Variants in FYCO1 observed in about 807,000 individuals in gnomAD.
FYCO1 encodes FYVE and coiled-coil domain autophagy adaptor 1, also known as FYVE and coiled-coil domain-containing protein 1.
Under a neutral mutation model 165.1 loss-of-function variants are expected in FYCO1, and 122 were observed. That is an observed-to-expected ratio of 0.74 (90% CI 0.64 to 0.86). The LOEUF (loss-of-function observed/expected upper bound fraction) is 0.86. FYCO1 is among the 40% of genes least tolerant of loss of function. The pLI, the probability that FYCO1 is intolerant of heterozygous loss-of-function variation, is 0.00. For synonymous variants in FYCO1, 648 were observed against 742.5 expected (o/e 0.87, Z 2.07); for missense variants, 1,702 against 1,810.3 (o/e 0.94, Z 1.09).
chr3:45,964,211 GT>G lies in FYCO1; in HGVS notation c.3269+124del. On this transcript the variant is annotated intron_variant, in intron 10 of 17. Coordinates refer to ENST00000296137, the MANE Select transcript of FYCO1 (RefSeq NM_024513.4). The surrounding 1 kb of genome is among the most constrained non-coding windows in gnomAD (Gnocchi z 4.1). The stretch of plus-strand genomic sequence containing the variant: ...TGCTTCCAGCAGAAGCACTTTCTGA[GT>G]TTGTGGCTTTTCTTGCAAAAGGACT... The G allele has an allele frequency of 2.4e-6, 2 of 832,068 alleles. No individual in the cohort carries two copies. The highest frequency in any genetic ancestry group is 4.2e-6 in the Non-Finnish European group (2 of 479,866). 51.5% of individuals were successfully genotyped at this position (832,068 alleles called of 1,614,324 possible).
intron 14 of FYCO1, among the ~76,000 whole-genome samples, chr3:45,949,188 C>T (rs906659967): frequency 1.6e-4 from 24 of 152,162 alleles, no homozygotes; most frequent in African/African-American, 5.3e-4. Context: ...TGCCTAAATG[C>T]GTCTACAAGC....
In FYCO1 at chr3:45,918,010, T is replaced by C. The variant is rs1702967421; in HGVS notation, c.*3755A>G. 1 of 152,644 alleles carries C rather than the reference T, an allele frequency of 6.6e-6. No homozygotes were observed. Among genetic ancestry groups the C allele is most frequent in the East Asian group, 1.9e-4 (1 of 5,198 alleles). 9.5% of individuals were successfully genotyped at this position (152,644 alleles called of 1,614,324 possible). ...AATATGCTTAGGGATACAAAAGTTT[T>C]CCACCCCCATTGAGCAGGTGGGGTG... is the stretch of plus-strand genomic sequence containing the variant. On this transcript the variant is annotated 3_prime_UTR_variant, in exon 18 of 18. Coordinates refer to ENST00000296137, the MANE Select transcript of FYCO1 (RefSeq NM_024513.4).
intron 10 of FYCO1, among the ~76,000 whole-genome samples, chr3:45,963,241 CCA>C (rs781072670): frequency 6.6e-6 from 1 of 151,790 alleles, no homozygotes; most frequent in East Asian, 1.9e-4. Context: ...CACACACACA[CCA>C]CACACACACA....
chr3:45,928,611 T>G (rs1703435191), intron 16 of FYCO1, among the ~76,000 whole-genome samples: 2 of 152,120 alleles, frequency 1.3e-5, no homozygotes, highest in Admixed American at 1.3e-4. Context: ...TGCTATTCCA[T>G]CCACCTGGAT....
At position 45,967,770 on chromosome 3, in the gene FYCO1, G is replaced by C. The variant is rs750823747; in HGVS notation, c.1564C>G (p.Leu522Val). ...CTCACATGTTGGCTCACCTGTGCCA[G>C]CTGGGTCTCCAGGAACTGCAGCTGC... ...TRQLQFLETQ[L>V]AQVSQHVSDL... The change falls in exon 8 of 18, where the codon CTG (leucine) becomes GTG (valine). Residue 522 changes from leucine (L) to valine (V), a missense_variant. Leu to Val is a conservative substitution (Grantham distance 32, BLOSUM62 1). Coordinates refer to ENST00000296137, the MANE Select transcript of FYCO1 (RefSeq NM_024513.4). 1 of 1,613,632 alleles carries C rather than the reference G, an allele frequency of 6.2e-7. No homozygotes were observed. Among genetic ancestry groups the C allele is most frequent in the East Asian group, 2.2e-5 (1 of 44,878 alleles).
chr3:45,945,901 G>A (rs981455824), intron 14 of FYCO1: 2 of 152,774 alleles, frequency 1.3e-5, no homozygotes, highest in African/African-American at 2.4e-5. Flanking sequence ...CCCAGGCAGA[G>A]CAGTCTTGCC....
intron 13 of FYCO1, among the ~76,000 whole-genome samples, chr3:45,956,806 A>C (rs1705355564): frequency 6.6e-6 from 1 of 152,226 alleles, no homozygotes; most frequent in African/African-American, 2.4e-5. Context: ...TTTTATTAAG[A>C]TGTCAATTCT....
chr3:45,955,147 C>T, intron 14 of FYCO1, 102 bp downstream of exon 14: 5 of 1,377,692 alleles, frequency 3.6e-6, no homozygotes, highest in South Asian at 1.2e-5. Context: ...CAAGGACAGT[C>T]AATCCTGCTT....
chr3:45,944,247 G>A (rs1408156232), intron 14 of FYCO1, among the ~76,000 whole-genome samples: 1 of 152,058 alleles, frequency 6.6e-6, no homozygotes, highest in East Asian at 1.9e-4. Flanking sequence ...CTGAGAAAAG[G>A]TCTGCAGTTT....
intron 8 of FYCO1, 71 bp from the exon 9 acceptor site, chr3:45,965,196 C>T (rs1170110058): frequency 2.5e-6 from 3 of 1,200,850 alleles, no homozygotes; most frequent in Non-Finnish European, 2.5e-6. Context: ...AGCCCCCTCA[C>T]CCAAACAGAT....
chr3:45,936,992 C>T (rs1703929645), intron 14 of FYCO1, among the ~76,000 whole-genome samples: 2 of 152,150 alleles, frequency 1.3e-5, no homozygotes. Context: ...TTTTTAACAC[C>T]TTCTGAATTA....
intron 14 of FYCO1, among the ~76,000 whole-genome samples, 174 bp from the exon 15 acceptor site, chr3:45,936,717 G>A (rs1398382130): frequency 6.6e-6 from 1 of 152,178 alleles, no homozygotes; most frequent in African/African-American, 2.4e-5. Context: ...AGGGAGGGCT[G>A]CAGGGGCCAG....
In FYCO1 at chr3:45,967,107, G is replaced by A. The variant is rs1294123759; in HGVS notation, c.2227C>T (p.Leu743=). Residue 743 remains leucine, a synonymous_variant, in exon 8 of 18, where the codon CTG becomes TTG. Coordinates refer to ENST00000296137, the MANE Select transcript of FYCO1 (RefSeq NM_024513.4). ...TTCTCTGCTGTGAGGACCTCAATCAGCTGGGTCTGCTGCTGGCACTGGCTC... is the reference window on the plus strand; with the variant it reads ...TTCTCTGCTGTGAGGACCTCAATCAACTGGGTCTGCTGCTGGCACTGGCTC... The part of the protein sequence containing the change: ...LESQCQQQTQ[L]IEVLTAEKGQ... 6.2e-7 allele frequency: 1 copy of A among 1,613,816 alleles called. No homozygotes were observed. Among genetic ancestry groups the A allele is most frequent in the African/African-American group, 1.3e-5 (1 of 74,916 alleles).
At chr3:45,949,567 G>T (rs1315433135) in intron 14 of FYCO1, among the ~76,000 whole-genome samples, 1 of 152,168 alleles carries the variant, frequency 6.6e-6, no homozygotes, top group African/African-American at 2.4e-5. Flanking sequence ...CTGTGCAGGG[G>T]ATGCAGTACC....
intron 16 of FYCO1, among the ~76,000 whole-genome samples, chr3:45,924,732 T>C (rs1385357073): frequency 6.7e-6 from 1 of 148,864 alleles, no homozygotes; most frequent in East Asian, 2.0e-4. Context: ...CCTTTCTCAG[T>C]GTCCCGAGTA....
At chr3:45,933,902 T>C (rs888449047) in intron 15 of FYCO1, among the ~76,000 whole-genome samples, 1 of 151,678 alleles carries the variant, frequency 6.6e-6, no homozygotes, top group Non-Finnish European at 1.5e-5. Flanking sequence ...CTTGAAACAA[T>C]AAAACAGTGG....
Position 45,962,263 on chromosome 3 carries a change from G to C in FYCO1, c.3399C>G (p.Thr1133=), listed in dbSNP as rs1705736355. The change falls in exon 11 of 18, where the codon ACC becomes ACG. Residue 1133 remains threonine, a synonymous_variant. Transcript: ENST00000296137. This position sits in a 1 kb window ranked among gnomAD's most constrained non-coding sequence, Gnocchi z 4.4. ...TCAGCCGCTCCTCGAGATACTTCTT[G>C]GTTCTGTTGAGGTCATCCAGGTCAG... is the stretch of plus-strand genomic sequence containing the variant. ...MLADLDDLNR[T]KKYLEERLIE... is the part of the protein sequence containing the mutation. 6 of 1,614,108 alleles carry C rather than the reference G, an allele frequency of 3.7e-6. No individual in the cohort carries two copies. The highest frequency in any genetic ancestry group is 2.7e-5 in the African/African-American group (2 of 74,934).
chr3:45,946,795 T>C (rs781139245), intron 14 of FYCO1: 1 of 1,613,652 alleles, frequency 6.2e-7, no homozygotes, highest in Non-Finnish European at 8.5e-7. Context: ...TGCAAGAGCC[T>C]ACTGGGCATC....
rs2125784868 is a variant in FYCO1 at position 45,920,982 on chromosome 3, T to C, written c.*783A>G. 2 of 155,142 alleles carry C rather than the reference T, an allele frequency of 1.3e-5. 1 individual carries two copies. The highest frequency in any genetic ancestry group is 4.0e-4 in the South Asian group (2 of 4,948). The allele number at this position is 155,142 out of a possible 1,614,324, so 9.6% of individuals were successfully genotyped here. Reference sequence around the variant, plus strand: ...TTAGATGTAGTGTACACACAGCCATTGCAGGCCCCAAGTACAGTGGGTTTT... The same window carrying C: ...TTAGATGTAGTGTACACACAGCCATCGCAGGCCCCAAGTACAGTGGGTTTT... On this transcript the variant is annotated 3_prime_UTR_variant, in exon 18 of 18. Coordinates refer to ENST00000296137, the MANE Select transcript of FYCO1 (RefSeq NM_024513.4).
Sources: gnomAD v4.1 joint callset for allele counts (sites outside exome capture counted in the v4.1 genomes callset) on GRCh38, gnomAD v4.1.1 for gene constraint, Gnocchi (gnomAD v3.1) non-coding constraint, MANE v1.5 for transcripts, NCBI Gene and HGNC (gene_info 2026-07-23, HGNC 2026-07-21) for gene names.